Variants in AKAP19 observed in about 807,000 individuals in gnomAD.
AKAP19 encodes small A-kinase anchoring protein.
the AKAP19 span, among the ~76,000 whole-genome samples, chr2:190,137,292 A>G: frequency 6.6e-6 from 1 of 152,224 alleles, no homozygotes; most frequent in African/African-American, 2.4e-5. Flanking sequence ...TGTGTCCTTT[A>G]TATAGTTCAA....
the AKAP19 span, among the ~76,000 whole-genome samples, chr2:189,896,351 A>G: frequency 3.3e-5 from 5 of 152,166 alleles, no homozygotes; most frequent in Non-Finnish European, 5.9e-5. Context: ...CTTGATTTTC[A>G]TAACAACAAA....
At chr2:190,104,962 G>T in the AKAP19 span, among the ~76,000 whole-genome samples, 1 of 152,066 alleles carries the variant, frequency 6.6e-6, no homozygotes, top group South Asian at 2.1e-4. Context: ...AATCAGAATG[G>T]CTATTATTAA....
chr2:189,929,702 G>C, the AKAP19 span, among the ~76,000 whole-genome samples: 1 of 151,902 alleles, frequency 6.6e-6, no homozygotes, highest in African/African-American at 2.4e-5. Flanking sequence ...CATAGAACTA[G>C]CCCAATGATA....
chr2:190,081,275 G>A, the AKAP19 span, among the ~76,000 whole-genome samples: 6 of 144,708 alleles, frequency 4.1e-5, no homozygotes, highest in African/African-American at 1.0e-4. Flanking sequence ...TCAAGCACAA[G>A]CTACCATCTA....
chr2:190,143,324 C>T, the AKAP19 span, among the ~76,000 whole-genome samples: 2 of 149,754 alleles, frequency 1.3e-5, no homozygotes, highest in South Asian at 2.1e-4. Flanking sequence ...TTTATAGTTC[C>T]CTAAATACCA....
chr2:189,944,100 C>T, the AKAP19 span, among the ~76,000 whole-genome samples: 14 of 152,214 alleles, frequency 9.2e-5, no homozygotes, highest in East Asian at 9.7e-4. Flanking sequence ...CAGTGTGAGA[C>T]GGACATAAGA....
the AKAP19 span, among the ~76,000 whole-genome samples, chr2:190,092,981 T>G: frequency 6.6e-6 from 1 of 152,168 alleles, no homozygotes; most frequent in Admixed American, 6.5e-5. Flanking sequence ...TGTTGTAAAT[T>G]TTTCTTTTTT....
chr2:190,037,058 G>A, the AKAP19 span, among the ~76,000 whole-genome samples: 2 of 152,146 alleles, frequency 1.3e-5, no homozygotes, highest in South Asian at 2.1e-4. Flanking sequence ...AAATAGCTAC[G>A]TGATAATGAT....
the AKAP19 span, among the ~76,000 whole-genome samples, chr2:190,144,919 G>A: frequency 6.6e-6 from 1 of 151,880 alleles, no homozygotes; most frequent in Admixed American, 6.6e-5. Flanking sequence ...GGAGGTTGCA[G>A]TGAGCTGATA....
At chr2:190,116,496 C>G in the AKAP19 span, among the ~76,000 whole-genome samples, 1 of 152,142 alleles carries the variant, frequency 6.6e-6, no homozygotes, top group African/African-American at 2.4e-5. Context: ...ATTAAACTTC[C>G]AACACATGCC....
At chr2:189,929,172 G>C in the AKAP19 span, among the ~76,000 whole-genome samples, 3 of 152,154 alleles carry the variant, frequency 2.0e-5, no homozygotes, top group Non-Finnish European at 4.4e-5. Flanking sequence ...TTGTCAGTTA[G>C]CTAGCAGGAC....
the AKAP19 span, among the ~76,000 whole-genome samples, chr2:190,052,139 A>G: frequency 6.6e-6 from 1 of 152,022 alleles, no homozygotes. Context: ...TTTCTTTACT[A>G]TAATTTTTAT....
At chr2:190,011,029 A>T in the AKAP19 span, among the ~76,000 whole-genome samples, 235 of 137,186 alleles carry the variant, frequency 1.7e-3, 1 homozygote, top group African/African-American at 6.1e-3. Context: ...ATTTTCTCCC[A>T]TTCTCTCATT....
the AKAP19 span, among the ~76,000 whole-genome samples, chr2:190,041,227 C>T: frequency 6.6e-6 from 1 of 151,852 alleles, no homozygotes; most frequent in South Asian, 2.1e-4. Flanking sequence ...TTGTAGAGCC[C>T]TTTCTTCTTT....
At chr2:190,038,247 A>G in the AKAP19 span, among the ~76,000 whole-genome samples, 1 of 152,120 alleles carries the variant, frequency 6.6e-6, no homozygotes, top group Non-Finnish European at 1.5e-5. Flanking sequence ...GCCCCTAGTT[A>G]TGAGATCCCT....
chr2:189,889,928 G>T, the AKAP19 span, among the ~76,000 whole-genome samples: 1 of 152,104 alleles, frequency 6.6e-6, no homozygotes, highest in African/African-American at 2.4e-5. Flanking sequence ...ATCTCCTTCA[G>T]TTCTGCTGTG....
chr2:190,175,965 G>C, the AKAP19 span, among the ~76,000 whole-genome samples: 1 of 152,100 alleles, frequency 6.6e-6, no homozygotes, highest in Non-Finnish European at 1.5e-5. Context: ...ATTTAGCTAG[G>C]GTTCCCCACC....
At chr2:189,974,652 A>T in the AKAP19 span, among the ~76,000 whole-genome samples, 1 of 152,198 alleles carries the variant, frequency 6.6e-6, no homozygotes, top group Non-Finnish European at 1.5e-5. Context: ...GACTTGCTTT[A>T]TGAATCTGGG....
At chr2:189,977,028 C>T in the AKAP19 span, among the ~76,000 whole-genome samples, 1 of 152,168 alleles carries the variant, frequency 6.6e-6, no homozygotes, top group Admixed American at 6.5e-5. Flanking sequence ...AAGCTGCTAC[C>T]CCAGTTGGAA....
Sources: allele counts gnomAD v4.1 joint callset (sites outside exome capture counted in the v4.1 genomes callset), GRCh38; gene constraint gnomAD v4.1.1; transcripts MANE v1.5; gene names NCBI Gene and HGNC (gene_info 2026-07-23, HGNC 2026-07-21).